Variants in IFT140 observed in about 807,000 individuals in gnomAD.
IFT140 encodes the protein intraflagellar transport 140.
A neutral mutation model predicts 164.6 loss-of-function variants in IFT140; 133 were observed. That is an observed-to-expected ratio of 0.81 (90% CI 0.70 to 0.93). The LOEUF (loss-of-function observed/expected upper bound fraction) is 0.93. IFT140 is among the 40% of genes least tolerant of loss of function. The pLI is 0.00. For missense variants in IFT140, 2,045 were observed against 1,972.3 expected, an observed-to-expected ratio of 1.04 and a Z score of -0.70; for synonymous variants, 860 against 817.3, an observed-to-expected ratio of 1.05 and a Z score of -0.89.
intron 9 of IFT140, 75 bp from the exon 10 acceptor site, chr16:1,586,350 AC>A (rs930654488): frequency 7.9e-5 from 115 of 1,447,018 alleles, no homozygotes; most frequent in Non-Finnish European, 9.9e-5. Flanking sequence ...CTGTTCTCTA[AC>A]CCCCTTCTTC....
chr16:1,525,424 G>C lies in IFT140; in HGVS notation c.2769-98C>G, dbSNP rs943524858. The C allele has an allele frequency of 1.5e-5, 13 of 886,044 alleles. No individual in the cohort carries two copies. The African/African-American group carries it at 1.5e-4, about 10-fold the overall frequency. The allele number at this position is 886,044 out of a possible 1,614,324, so 54.9% of individuals were successfully genotyped here. A position where few individuals can be genotyped will look rare whatever the true frequency, so the allele number is the denominator to read the frequency against. ...CAGCGTCGGTGAAACGCATCAGAGCGGTGGCCCTCGGGGTGTGTGCTCCTG... is the reference window on the plus strand; with the variant it reads ...CAGCGTCGGTGAAACGCATCAGAGCCGTGGCCCTCGGGGTGTGTGCTCCTG... On this transcript the variant is annotated intron_variant, in intron 21 of 30. Coordinates refer to ENST00000426508, the MANE Select transcript of IFT140 (RefSeq NM_014714.4).
chr16:1,606,972 A>G (rs1243932878), intron 3 of IFT140, 148 bp downstream of exon 3: 32 of 784,338 alleles, frequency 4.1e-5, no homozygotes, highest in Non-Finnish European at 6.2e-5. Flanking sequence ...ACACACACCA[A>G]TACACATACA....
chr16:1,557,632 C>T (rs2033172736), intron 19 of IFT140: 1 of 318,652 alleles, frequency 3.1e-6, no homozygotes, highest in East Asian at 6.0e-5. Flanking sequence ...GTCCAAACTT[C>T]TGTTTAGGAG....
At chr16:1,525,166 C>T (rs2040647275) in intron 22 of IFT140, 65 bp downstream of exon 22, 2 of 1,354,052 alleles carry the variant, frequency 1.5e-6, no homozygotes, top group East Asian at 2.3e-5. Context: ...TCTCAGCAAG[C>T]CCTGGGGTCC....
intron 13 of IFT140, 37 bp downstream of exon 13, chr16:1,580,722 T>A: frequency 1.4e-6 from 2 of 1,399,882 alleles, no homozygotes; most frequent in Non-Finnish European, 2.0e-6. Flanking sequence ...GATTTCAAAC[T>A]CTGCTCTGGT....
intron 19 of IFT140, chr16:1,554,947 G>A (rs772063146): frequency 8.7e-6 from 14 of 1,613,988 alleles, no homozygotes; most frequent in South Asian, 4.4e-5. Context: ...ATGGCCCCCC[G>A]GGTGATTGTC....
rs2030729775 is a variant in IFT140, at chr16:1,533,495, A to G, written c.2400-6699T>C. 1 of 152,404 alleles carries G rather than the reference A, an allele frequency of 6.6e-6. No individual in the cohort carries two copies. The highest frequency in any genetic ancestry group is 2.4e-5 in the African/African-American group (1 of 41,466). 9.4% of individuals were successfully genotyped at this position (152,404 alleles called of 1,614,324 possible). ...GCATCCCTGGCCTCTCCTCTGGGAC[A>G]GGAAGATGGGGAGGGGCGGCAGGAG... is the stretch of plus-strand genomic sequence containing the variant. On this transcript the variant is annotated intron_variant, in intron 19 of 30. Coordinates refer to ENST00000426508, the MANE Select transcript of IFT140 (RefSeq NM_014714.4). This position sits in a 1 kb window ranked among gnomAD's most constrained non-coding sequence, Gnocchi z 4.7.
intron 18 of IFT140, 117 bp downstream of exon 18, chr16:1,561,868 A>G (rs945247801): frequency 5.2e-5 from 54 of 1,039,394 alleles, no homozygotes; most frequent in Non-Finnish European, 7.1e-5. Flanking sequence ...CGGAGAGGGA[A>G]GCCCGGCAGA....
intron 20 of IFT140, 184 bp downstream of exon 20, chr16:1,526,435 G>C: frequency 1.5e-6 from 1 of 682,434 alleles, no homozygotes; most frequent in Non-Finnish European, 2.4e-6. Context: ...GCCGGCGGTC[G>C]CCTAGCCTCC....
intron 26 of IFT140, among the ~76,000 whole-genome samples, chr16:1,522,958 C>T (rs1298128754): frequency 1.3e-5 from 2 of 152,114 alleles, no homozygotes; most frequent in African/African-American, 4.8e-5. Flanking sequence ...ACAGGGCTCA[C>T]ATCTACAGTC....
chr16:1,574,660 C>A (rs1423552256), intron 13 of IFT140, among the ~76,000 whole-genome samples: 3 of 152,192 alleles, frequency 2.0e-5, no homozygotes, highest in African/African-American at 7.2e-5. Flanking sequence ...CTAGCTTCAA[C>A]CCCAACTGCC....
chr16:1,540,604 T>C (rs1371737682), intron 19 of IFT140, among the ~76,000 whole-genome samples: 2 of 152,200 alleles, frequency 1.3e-5, no homozygotes, highest in Non-Finnish European at 2.9e-5. Flanking sequence ...TTCTGGTGTC[T>C]GTGATGAATG....
chr16:1,528,536 C>A (rs372800392), intron 19 of IFT140, among the ~76,000 whole-genome samples: 1 of 151,798 alleles, frequency 6.6e-6, no homozygotes, highest in Non-Finnish European at 1.5e-5. Flanking sequence ...CACACAAGCA[C>A]ATGCACGCAC....
intron 24 of IFT140, 183 bp downstream of exon 24, chr16:1,524,369 A>T: frequency 1.4e-6 from 1 of 725,424 alleles, no homozygotes; most frequent in Non-Finnish European, 2.2e-6. Context: ...AAACAATGTC[A>T]GATGGAAGCG....
chr16:1,555,162 C>T (rs9922661), intron 19 of IFT140: 23 of 1,107,716 alleles, frequency 2.1e-5, no homozygotes, highest in Middle Eastern at 3.0e-4. Context: ...CTGCGCCATG[C>T]GTGCGAGACA....
In IFT140 at chr16:1,510,979, C is replaced by T. The variant is rs142106374; in HGVS notation, c.4354G>A (p.Glu1452Lys). ...TCATCTGCCTCTTCCACCACCTCCT[C>T]GTCCAGCTCCCTGGCGTCCTCCATG... The part of the protein sequence containing the change: ...NSMEDARELD[E>K]EVVEEADDDP The change falls in exon 31 of 31, where the codon GAG (glutamate) becomes AAG (lysine). Residue 1452 changes from glutamate (E) to lysine (K), a missense_variant. Glu to Lys is a moderately conservative substitution (Grantham distance 56). Coordinates refer to ENST00000426508, the MANE Select transcript of IFT140 (RefSeq NM_014714.4). 5.3e-5 allele frequency: 85 copies of T among 1,612,062 alleles called. No homozygotes were observed. Among genetic ancestry groups the T allele is most frequent in the Middle Eastern group, 1.7e-4 (1 of 5,934 alleles).
Position 1,524,826 on chromosome 16 carries a change from G to A in IFT140, c.2955C>T (p.Phe985=), listed in dbSNP as rs768024276. 6.2e-7 allele frequency: 1 copy of A among 1,612,532 alleles called. No homozygotes were observed. Among genetic ancestry groups the A allele is most frequent in the Non-Finnish European group, 8.5e-7 (1 of 1,179,082 alleles). The change falls in exon 23 of 31, where the codon TTC becomes TTT. Residue 985 remains phenylalanine (F), a synonymous_variant. Coordinates refer to ENST00000426508, the MANE Select transcript of IFT140 (RefSeq NM_014714.4). ...GGAAGCAGTGGATGCGGACCAGGGA[G>A]AAGTGGTCCCGGGCCAGCTCGTAGT... The part of the protein sequence containing the change: ...LHYYELARDH[F]SLVRIHCFQG...
Position 1,553,435 on chromosome 16 carries a change from G to A in IFT140, c.2399+4500C>T, listed in dbSNP as rs575403267. ...GGAGGCGGTTGGGAGTGGAGAGACCGGCATGAACAGACGCACAGGTGTCAA... is the reference window on the plus strand; with the variant it reads ...GGAGGCGGTTGGGAGTGGAGAGACCAGCATGAACAGACGCACAGGTGTCAA... On this transcript the variant is annotated intron_variant, in intron 19 of 30. Coordinates refer to ENST00000426508, the MANE Select transcript of IFT140 (RefSeq NM_014714.4). This position sits in a 1 kb window ranked among gnomAD's most constrained non-coding sequence, Gnocchi z 4.4. 3.4e-4 allele frequency: 334 copies of A among 985,390 alleles called. 1 individual carries two copies. The highest frequency in any genetic ancestry group is 1.0e-3 in the Admixed American group (17 of 16,286). The allele number at this position is 985,390 out of a possible 1,614,324, so 61.0% of individuals were successfully genotyped here.
At chr16:1,593,921 C>A (rs1449622792) in intron 4 of IFT140, among the ~76,000 whole-genome samples, 1 of 152,180 alleles carries the variant, frequency 6.6e-6, no homozygotes, top group African/African-American at 2.4e-5. Flanking sequence ...ACCCTACCCT[C>A]AGGGGTGGAG....
Sources: allele counts gnomAD v4.1 joint callset (sites outside exome capture counted in the v4.1 genomes callset), GRCh38; gene constraint gnomAD v4.1.1; non-coding constraint Gnocchi (gnomAD v3.1); transcripts MANE v1.5; gene names NCBI Gene and HGNC (gene_info 2026-07-23, HGNC 2026-07-21).